Variants in COL4A5 observed in about 807,000 individuals in gnomAD.
COL4A5 encodes collagen type IV alpha 5 chain, also known as collagen alpha-5(IV) chain.
Under a neutral mutation model 130.2 loss-of-function variants are expected in COL4A5, and 26 were observed. The ratio of observed to expected loss-of-function variants is 0.20; its 90% CI spans 0.15 to 0.28. The LOEUF (loss-of-function observed/expected upper bound fraction) is 0.28. Ranked by LOEUF, COL4A5 falls within the 10% of genes least tolerant of loss-of-function variation. The probability of loss-of-function intolerance (pLI) is 1.00; values close to 1 mark genes in which losing one functional copy is unlikely to be tolerated. For synonymous variants in COL4A5, 496 were observed against 439.6 expected (o/e 1.13, Z -1.60); for missense variants, 1,131 against 1,344.3 (o/e 0.84, Z 2.48).
intron 2 of COL4A5, among the ~76,000 whole-genome samples, chrX:108,548,636 C>A (rs1251526720): frequency 9.0e-6 from 1 of 110,967 alleles, no homozygotes; most frequent in Non-Finnish European, 1.9e-5. Context: ...GTCCAGCAAA[C>A]CTCAAGCAAA....
intron 2 of COL4A5, among the ~76,000 whole-genome samples, chrX:108,554,465 C>T (rs2065795336): frequency 9.0e-6 from 1 of 111,523 alleles, no homozygotes; most frequent in Non-Finnish European, 1.9e-5. Context: ...TCATCTCACA[C>T]CAGGTTCCTC....
chrX:108,522,855 C>G (rs2065277613), intron 1 of COL4A5, among the ~76,000 whole-genome samples: 1 of 97,946 alleles, frequency 1.0e-5, no homozygotes, highest in Non-Finnish European at 2.0e-5. Context: ...AAGGCTTTGA[C>G]TAAACAAAGG....
chrX:108,524,222 A>G (rs2065291822), intron 1 of COL4A5, among the ~76,000 whole-genome samples: 1 of 112,172 alleles, frequency 8.9e-6, no homozygotes, highest in African/African-American at 3.2e-5. Flanking sequence ...AAGAAATGAC[A>G]GAGTGGACAT....
At chrX:108,476,979 G>C (rs2095505444) in intron 1 of COL4A5, among the ~76,000 whole-genome samples, 1 of 111,392 alleles carries the variant, frequency 9.0e-6, no homozygotes. Context: ...AGAACGAATA[G>C]GACAGGAAGC....
chrX:108,622,048 T>A (rs1046728797), intron 32 of COL4A5, among the ~76,000 whole-genome samples, 156 bp downstream of exon 32: 2 of 113,049 alleles, frequency 1.8e-5, no homozygotes, highest in Non-Finnish European at 1.9e-5. Flanking sequence ...GTTTTCAATT[T>A]GGTTACGTGC....
intron 1 of COL4A5, among the ~76,000 whole-genome samples, chrX:108,475,331 G>T (rs946629181): frequency 9.0e-6 from 1 of 110,976 alleles, no homozygotes; most frequent in Non-Finnish European, 1.9e-5. Context: ...GCTTTTTGTA[G>T]ATTTTTCAAG....
At chrX:108,516,952 A>G (rs756637469) in intron 1 of COL4A5, among the ~76,000 whole-genome samples, 4 of 111,744 alleles carry the variant, frequency 3.6e-5, no homozygotes, top group African/African-American at 1.3e-4. Context: ...CTCAGTTTCT[A>G]TATCTGAAAA....
In COL4A5 at chrX:108,471,469, A is replaced by G. The variant is rs139029000; in HGVS notation, c.81+31263A>G. Among the ~76,000 whole-genome samples the G allele has an allele frequency of 1.2e-3, 136 of 111,732 alleles. 4 individuals are homozygous for G. The East Asian group carries it at 0.032, about 26-fold the overall frequency. ...ACCTTACCAGTATATAGAAGTGGCAATCATTTTTGTACCATGATTTTGTAA... is the reference window on the plus strand; with the variant it reads ...ACCTTACCAGTATATAGAAGTGGCAGTCATTTTTGTACCATGATTTTGTAA... On this transcript the variant is annotated intron_variant, in intron 1 of 52. Transcript: ENST00000328300.
intron 41 of COL4A5, among the ~76,000 whole-genome samples, chrX:108,669,069 C>G (rs1027912074): frequency 2.7e-5 from 3 of 112,184 alleles, no homozygotes; most frequent in Non-Finnish European, 5.6e-5. Context: ...TCTCTTCATA[C>G]CAACCTCATG....
rs763318130 is a variant in COL4A5 at position 108,589,233 on chromosome X, G to C, written c.1166-1825G>C. Reference sequence around the variant, plus strand: ...GTTAACTGTATAAATTTTTAGAAATGTATACATGTTTAAGTACATAGGTTA... The same window carrying C: ...GTTAACTGTATAAATTTTTAGAAATCTATACATGTTTAAGTACATAGGTTA... On this transcript the variant is annotated intron_variant, in intron 19 of 52. Coordinates refer to ENST00000328300, the MANE Select transcript of COL4A5 (RefSeq NM_033380.3). Among the ~76,000 whole-genome samples the C allele has an allele frequency of 2.7e-5, 3 of 111,160 alleles. No homozygotes were observed. In the South Asian group the frequency reaches 1.1e-3, roughly 41 times the overall value.
At position 108,648,747 on chromosome X, in the gene COL4A5, A is replaced by G. The variant is rs1265843190; in HGVS notation, c.3247-6584A>G. Among the ~76,000 whole-genome samples, 7 of 111,980 alleles carry G rather than the reference A, an allele frequency of 6.3e-5. No homozygotes were observed. The East Asian group carries it at 2.0e-3, about 31-fold the overall frequency. On this transcript the variant is annotated intron_variant, in intron 36 of 52. Transcript: ENST00000328300. ...GCATACAAGGGACATACCTCAATGT[A>G]ATAAAAGCTATCTATGACAAACCCA...
chrX:108,516,899 A>G (rs978233661), intron 1 of COL4A5, among the ~76,000 whole-genome samples: 3 of 111,658 alleles, frequency 2.7e-5, no homozygotes, highest in South Asian at 3.7e-4. Flanking sequence ...GTGTTAGCCT[A>G]CGGTGCTATT....
At chrX:108,448,849 TC>T (rs2064479145) in intron 1 of COL4A5, among the ~76,000 whole-genome samples, 1 of 111,874 alleles carries the variant, frequency 8.9e-6, no homozygotes, top group Non-Finnish European at 1.9e-5. Flanking sequence ...GTTCCATTTT[TC>T]TGTACTGCCA....
chrX:108,596,887 A>G, intron 22 of COL4A5, 111 bp from the exon 23 acceptor site: 1 of 803,165 alleles, frequency 1.2e-6, no homozygotes, highest in South Asian at 2.3e-5. Context: ...TTCTTATTTT[A>G]AAAACTTGAC....
At chrX:108,512,016 T>C (rs185366044) in intron 1 of COL4A5, among the ~76,000 whole-genome samples, 152 of 111,761 alleles carry the variant, frequency 1.4e-3, no homozygotes, top group Non-Finnish European at 1.7e-3. Flanking sequence ...CTGAAAACCA[T>C]TGACCTGTAC....
At position 108,568,743 on chromosome X, in the gene COL4A5, A is replaced by G. The variant is rs1426970558; in HGVS notation, c.322-16A>G. Reference sequence around the variant, plus strand: ...ATCTAAGACATATTATACATGTGTTATGTCGCTTTTCAAAGGGAATGCCAG... The same window carrying G: ...ATCTAAGACATATTATACATGTGTTGTGTCGCTTTTCAAAGGGAATGCCAG... On this transcript the variant is annotated splice_polypyrimidine_tract_variant and intron_variant, in intron 5 of 52. Coordinates refer to ENST00000328300, the MANE Select transcript of COL4A5 (RefSeq NM_033380.3). 5 of 1,209,414 alleles carry G rather than the reference A, an allele frequency of 4.1e-6. No homozygotes were observed. The highest frequency in any genetic ancestry group is 1.7e-5 in the African/African-American group (1 of 57,657).
At chrX:108,542,909 T>C (rs1379940080) in intron 2 of COL4A5, among the ~76,000 whole-genome samples, 4 of 108,269 alleles carry the variant, frequency 3.7e-5, no homozygotes, top group Non-Finnish European at 7.6e-5. Context: ...ATGTCTTCTT[T>C]TGAGAAGTGT....
chrX:108,593,343 T>A (rs906447996), intron 21 of COL4A5, among the ~76,000 whole-genome samples: 25 of 111,926 alleles, frequency 2.2e-4, no homozygotes, highest in Non-Finnish European at 3.4e-4. Flanking sequence ...CCTGTCTTTA[T>A]CTTTAATTTG....
At chrX:108,639,370 A>G (rs930211245) in intron 36 of COL4A5, among the ~76,000 whole-genome samples, 18 of 111,505 alleles carry the variant, frequency 1.6e-4, no homozygotes, top group Non-Finnish European at 3.2e-4. Context: ...CATCATATAT[A>G]AAATTAATTC....
Sources: allele counts gnomAD v4.1 joint callset (sites outside exome capture counted in the v4.1 genomes callset), GRCh38; gene constraint gnomAD v4.1.1; transcripts MANE v1.5; gene names NCBI Gene and HGNC (gene_info 2026-07-23, HGNC 2026-07-21).